The following STPG2 variants were observed in gnomAD, a reference collection of about 807,000 sequenced individuals.
STPG2 encodes the protein sperm tail PG-rich repeat containing 2.
In STPG2, 56 loss-of-function variants were observed where a neutral mutation model predicts 54.2. The observed-to-expected ratio is 1.03, with a 90% CI of 0.83 to 1.29. The LOEUF is 1.29. Ranked by LOEUF, STPG2 falls within the 50% of genes most tolerant of loss-of-function variation. The pLI is 0.00. For missense variants in STPG2, 596 were observed against 544.9 expected, an observed-to-expected ratio of 1.09 and a Z score of -0.93; for synonymous variants, 200 against 181.8, an observed-to-expected ratio of 1.10 and a Z score of -0.81.
At chr4:97,484,603 C>T (rs773031837) in intron 4 of STPG2, among the ~76,000 whole-genome samples, 60 of 151,566 alleles carry the variant, frequency 4.0e-4, no homozygotes, top group Admixed American at 1.1e-3. Flanking sequence ...CAGGACCAGA[C>T]GAATTCACAG....
chr4:97,745,610 A>C (rs1015507598), intron 9 of STPG2, among the ~76,000 whole-genome samples: 3 of 151,180 alleles, frequency 2.0e-5, no homozygotes, highest in Non-Finnish European at 4.5e-5. Flanking sequence ...TAAAATGTCT[A>C]AAAAACTGTT....
intron 1 of STPG2, among the ~76,000 whole-genome samples, chr4:98,141,106 C>T (rs1328391806): frequency 1.3e-5 from 2 of 152,034 alleles, no homozygotes; most frequent in Non-Finnish European, 1.5e-5. Flanking sequence ...TAGGGAGTCA[C>T]GCCCTACAAA....
chr4:97,464,472 A>T (rs1480793374), intron 4 of STPG2, among the ~76,000 whole-genome samples: 2 of 152,140 alleles, frequency 1.3e-5, no homozygotes, highest in African/African-American at 2.4e-5. Flanking sequence ...GTTGGAGTGC[A>T]GTGGTGTGAT....
At chr4:97,639,394 A>G (rs1191368970) in intron 10 of STPG2, among the ~76,000 whole-genome samples, 1 of 152,030 alleles carries the variant, frequency 6.6e-6, no homozygotes, top group African/African-American at 2.4e-5. Flanking sequence ...ACCTAATGCT[A>G]GGTGACGAGT....
chr4:97,618,454 A>C (rs1484202734), intron 10 of STPG2, among the ~76,000 whole-genome samples: 1 of 152,194 alleles, frequency 6.6e-6, no homozygotes, highest in East Asian at 1.9e-4. Flanking sequence ...TTAAGCCACA[A>C]AACATTTGAG....
Position 97,475,579 on chromosome 4 carries a change from A to G in STPG2, c.462+237120T>C, listed in dbSNP as rs61444843. Among the ~76,000 whole-genome samples the G allele has an allele frequency of 2.8e-3, 430 of 152,030 alleles. 3 individuals are homozygous for G. Among genetic ancestry groups the G allele is most frequent in the African/African-American group, 9.6e-3 (398 of 41,500 alleles). On this transcript the variant is annotated intron_variant, in intron 4 of 4. Coordinates refer to the STPG2 transcript ENST00000522676. ...TATAATATTGTGTACTGTGTATTACATATGTATGGTTGGTATGTGTGTACA... is the reference window on the plus strand; with the variant it reads ...TATAATATTGTGTACTGTGTATTACGTATGTATGGTTGGTATGTGTGTACA...
intron 10 of STPG2, among the ~76,000 whole-genome samples, chr4:97,578,843 G>A (rs986443269): frequency 6.6e-6 from 1 of 151,986 alleles, no homozygotes; most frequent in Admixed American, 6.6e-5. Flanking sequence ...TAAGCACCTC[G>A]TTACTTAGGT....
intron 8 of STPG2, among the ~76,000 whole-genome samples, chr4:97,848,345 G>A (rs1188838369): frequency 6.6e-6 from 1 of 152,028 alleles, no homozygotes; most frequent in Non-Finnish European, 1.5e-5. Flanking sequence ...TTACATAAGG[G>A]CAAGAAAAAG....
At chr4:98,142,805 T>C (rs930979124) in intron 1 of STPG2, among the ~76,000 whole-genome samples, 1 of 152,182 alleles carries the variant, frequency 6.6e-6, no homozygotes, top group Admixed American at 6.5e-5. Context: ...TGTAGACAAC[T>C]ATTGCGGAAT....
intron 2 of STPG2, among the ~76,000 whole-genome samples, chr4:98,130,351 G>T (rs2865993): frequency 0.4 from 59,968 of 151,318 alleles, 12,085 homozygotes; most frequent in Middle Eastern, 0.46. Flanking sequence ...AATTTTTGTA[G>T]TTTTTTAGTA....
intron 9 of STPG2, among the ~76,000 whole-genome samples, chr4:97,837,963 TAGAA>T (rs1170093527): frequency 4.6e-5 from 7 of 151,668 alleles, no homozygotes; most frequent in African/African-American, 1.2e-4. Flanking sequence ...TCTATATAGA[TAGAA>T]AGAAAACGAT....
chr4:97,884,140 G>T (rs188878895), intron 8 of STPG2, among the ~76,000 whole-genome samples: 54 of 152,188 alleles, frequency 3.5e-4, no homozygotes, highest in Middle Eastern at 3.4e-3. Flanking sequence ...AGGGGGGAAA[G>T]GAAGGGAGAA....
intron 10 of STPG2, among the ~76,000 whole-genome samples, chr4:97,587,071 G>T (rs1733020174): frequency 6.6e-6 from 1 of 151,874 alleles, no homozygotes; most frequent in African/African-American, 2.4e-5. Context: ...TAAAACACAA[G>T]TATCTAGAGA....
At chr4:97,959,507 A>T (rs1413263747) in intron 7 of STPG2, among the ~76,000 whole-genome samples, 2 of 152,156 alleles carry the variant, frequency 1.3e-5, no homozygotes, top group Admixed American at 1.3e-4. Flanking sequence ...TCAATTAGAA[A>T]CAAAATGGGA....
At chr4:98,131,118 ATATTTTTTCCCATTCTTTTTAACTAC>A (rs900983744) in intron 2 of STPG2, among the ~76,000 whole-genome samples, 5 of 151,910 alleles carry the variant, frequency 3.3e-5, no homozygotes, top group East Asian at 1.9e-4. Context: ...GTGGGAAAAA[ATATTTTTTCCCATTCTTTTTAACTAC>A]TATTTTTTCC....
At chr4:97,654,601 TTTTG>T (rs1416726512) in intron 10 of STPG2, among the ~76,000 whole-genome samples, 1 of 152,128 alleles carries the variant, frequency 6.6e-6, no homozygotes, top group African/African-American at 2.4e-5. Context: ...CACTCATTTA[TTTTG>T]TTTATTATTA....
At chr4:97,737,302 G>A (rs1324334166) in intron 9 of STPG2, among the ~76,000 whole-genome samples, 2 of 152,176 alleles carry the variant, frequency 1.3e-5, no homozygotes, top group African/African-American at 4.8e-5. Flanking sequence ...AAAGCAGAGT[G>A]CCTATCCTCC....
Position 97,628,738 on chromosome 4 carries a change from C to A in STPG2, c.1321-69621G>T, listed in dbSNP as rs534894771. ...TAATGGCATGACTGCAAAAATAAAA[C>A]CCCTCAGTCAACCAACAGTCTAAGT... On this transcript the variant is annotated intron_variant, in intron 10 of 10. Coordinates refer to ENST00000295268, the MANE Select transcript of STPG2 (RefSeq NM_174952.3). 4.9e-4 allele frequency among the ~76,000 whole-genome samples: 74 copies of A among 152,074 alleles called. 1 individual carries two copies. Among genetic ancestry groups the A allele is most frequent in the Non-Finnish European group, 4.4e-5 (3 of 67,930 alleles).
chr4:98,024,774 C>T (rs1396237796), intron 5 of STPG2, among the ~76,000 whole-genome samples: 3 of 152,216 alleles, frequency 2.0e-5, no homozygotes, highest in Non-Finnish European at 4.4e-5. Context: ...ATTACTTTCA[C>T]TGGCTTTTCA....
Sources: allele counts gnomAD v4.1 joint callset (sites outside exome capture counted in the v4.1 genomes callset), GRCh38; gene constraint gnomAD v4.1.1; transcripts MANE v1.5; gene names NCBI Gene and HGNC (gene_info 2026-07-23, HGNC 2026-07-21).